The following GTF3C1 variants were observed in gnomAD, a reference collection of about 807,000 sequenced individuals.
The protein encoded by GTF3C1 is general transcription factor IIIC subunit 1, also known as general transcription factor 3C polypeptide 1.
GTF3C1 carries 57 observed loss-of-function variants against 226.7 expected under a neutral mutation model. The observed-to-expected ratio is 0.25, with a 90% CI of 0.20 to 0.31. The LOEUF is 0.31. Ranked by LOEUF, GTF3C1 falls within the 10% of genes least tolerant of loss-of-function variation. GTF3C1 has a pLI of 1.00. For missense variants in GTF3C1, 2,217 were observed against 2,776.1 expected (o/e 0.80, Z 4.53); for synonymous variants, 1,090 against 1,084.8 (o/e 1.00, Z -0.09).
chr16:27,483,904 C>T (rs2088095153), intron 25 of GTF3C1, among the ~76,000 whole-genome samples: 2 of 152,210 alleles, frequency 1.3e-5, no homozygotes, highest in East Asian at 3.8e-4. Context: ...CCTCCACCAC[C>T]AGCTAGGCAC....
At chr16:27,547,393 A>T (rs2089180225) in intron 1 of GTF3C1, among the ~76,000 whole-genome samples, 1 of 152,168 alleles carries the variant, frequency 6.6e-6, no homozygotes, top group Non-Finnish European at 1.5e-5. Context: ...ACCTGAAGCT[A>T]AATGTGTCAC....
At position 27,507,608 on chromosome 16, in the gene GTF3C1, G is replaced by A. The variant is rs951800129; in HGVS notation, c.1243-452C>T. 3.9e-5 allele frequency among the ~76,000 whole-genome samples: 6 copies of A among 152,334 alleles called. No homozygotes were observed. Among genetic ancestry groups the A allele is most frequent in the South Asian group, 4.1e-4 (2 of 4,832 alleles). On this transcript the variant is annotated intron_variant, in intron 8 of 36. Coordinates refer to ENST00000356183, the MANE Select transcript of GTF3C1 (RefSeq NM_001520.4). The surrounding 1 kb of genome is among the most constrained non-coding windows in gnomAD (Gnocchi z 4.9). The stretch of plus-strand genomic sequence containing the variant: ...ATCAGTGATCCACACCCATTTTAAC[G>A]TCTAGAACAGGGCAAGGGGCTCTTC...
At position 27,545,344 on chromosome 16, in the gene GTF3C1, G is replaced by C. The variant is rs1305864601; in HGVS notation, c.401C>G (p.Pro134Arg). The C allele has an allele frequency of 2.4e-5, 38 of 1,613,666 alleles. No homozygotes were observed. The highest frequency in any genetic ancestry group is 3.2e-5 in the Non-Finnish European group (38 of 1,179,664). ...TNDIRTKSLQPRCTMVEAFDR... is the reference protein window; with the variant it reads ...TNDIRTKSLQRRCTMVEAFDR... ...AAAGGCTTCCACCATTGTACAGCGAGGCTGCAAGGACTTGGTTCTGATGTC... is the reference window on the plus strand; with the variant it reads ...AAAGGCTTCCACCATTGTACAGCGACGCTGCAAGGACTTGGTTCTGATGTC... The change falls in exon 2 of 37, where the codon CCT (proline) becomes CGT (arginine). Residue 134 changes from proline to arginine, a missense_variant. Physicochemically the swap from Pro to Arg is moderately radical, Grantham distance 103 (BLOSUM62 -2). This residue lies in a region of GTF3C1 where 192 missense variants were observed against 251.8 expected (regional missense o/e 0.76). Transcript: ENST00000356183.
At chr16:27,516,850 C>G (rs2088666637) in intron 6 of GTF3C1, among the ~76,000 whole-genome samples, 1 of 152,132 alleles carries the variant, frequency 6.6e-6, no homozygotes, top group African/African-American at 2.4e-5. Context: ...CTAGGCTGGT[C>G]TAGAACTTCT....
chr16:27,467,640 T>G (rs892196922), intron 32 of GTF3C1, among the ~76,000 whole-genome samples: 5 of 152,042 alleles, frequency 3.3e-5, no homozygotes, highest in Admixed American at 2.6e-4. Context: ...GAGGCTACGG[T>G]GGGTGGATCA....
At chr16:27,541,714 G>C (rs1596664263) in intron 2 of GTF3C1, among the ~76,000 whole-genome samples, 1 of 152,174 alleles carries the variant, frequency 6.6e-6, no homozygotes, top group Non-Finnish European at 1.5e-5. Context: ...ATTGCCTTGA[G>C]ACAAAAAGGA....
Position 27,482,719 on chromosome 16 carries a change from G to C in GTF3C1, c.4083+325C>G, listed in dbSNP as rs568759974. 76 of 444,022 alleles carry C rather than the reference G, an allele frequency of 1.7e-4. 1 individual carries two copies. Among genetic ancestry groups the C allele is most frequent in the South Asian group, 1.2e-3 (72 of 60,608 alleles). 27.5% of individuals were successfully genotyped at this position (444,022 alleles called of 1,614,324 possible). The stretch of plus-strand genomic sequence containing the variant: ...CCCCTCTGGACAGAAAACTCGGAAA[G>C]AAAACCCACACCCAGTCTGCGAGCT... On this transcript the variant is annotated intron_variant, in intron 26 of 36. Coordinates refer to ENST00000356183, the MANE Select transcript of GTF3C1 (RefSeq NM_001520.4).
intron 16 of GTF3C1, among the ~76,000 whole-genome samples, chr16:27,493,827 ACT>A: frequency 6.6e-6 from 1 of 152,332 alleles, no homozygotes; most frequent in East Asian, 1.9e-4. Flanking sequence ...GAATACTATG[ACT>A]CTACTTAATA....
In GTF3C1 at chr16:27,488,219, C is replaced by A. The variant is rs545224662; in HGVS notation, c.3700+8G>T. The A allele has an allele frequency of 6.2e-7, 1 of 1,612,004 alleles. No homozygotes were observed. The highest frequency in any genetic ancestry group is 8.5e-7 in the Non-Finnish European group (1 of 1,178,598). Reference sequence around the variant, plus strand: ...AGGCCCAGTAAATGAAAATGATCACCACATAACCTTTCTTCTTTCTCTTGA... The same window carrying A: ...AGGCCCAGTAAATGAAAATGATCACAACATAACCTTTCTTCTTTCTCTTGA... On this transcript the variant is annotated splice_region_variant and intron_variant, in intron 23 of 36. Transcript: ENST00000356183.
intron 6 of GTF3C1, among the ~76,000 whole-genome samples, chr16:27,516,866 C>G (rs1413461785): frequency 2.0e-5 from 3 of 152,156 alleles, no homozygotes; most frequent in Non-Finnish European, 4.4e-5. Context: ...CTTCTGGCCT[C>G]AAGTGACATT....
chr16:27,525,185 T>TAAAAGAAAAGAAAAGAAAAG (rs60325418), intron 6 of GTF3C1, among the ~76,000 whole-genome samples: 4,044 of 150,694 alleles, frequency 0.027, 190 homozygotes, highest in African/African-American at 0.093. Flanking sequence ...AAGAAAGAAA[T>TAAAAGAAAAGAAAAGAAAAG]AAAAGAAAAG....
chr16:27,520,490 A>G (rs1185940996), intron 6 of GTF3C1, among the ~76,000 whole-genome samples: 1 of 152,062 alleles, frequency 6.6e-6, no homozygotes, highest in Admixed American at 6.5e-5. Flanking sequence ...ATGGGATAAC[A>G]ATATGGCATC....
chr16:27,528,483 T>A (rs1367252397), intron 6 of GTF3C1, 115 bp downstream of exon 6: 1 of 815,408 alleles, frequency 1.2e-6, no homozygotes, highest in Non-Finnish European at 2.0e-6. Context: ...TAAATAAATA[T>A]GTGAAATCAT....
chr16:27,501,841 G>A (rs911695123), intron 11 of GTF3C1, among the ~76,000 whole-genome samples: 3 of 152,220 alleles, frequency 2.0e-5, no homozygotes, highest in African/African-American at 4.8e-5. Context: ...GGTGGCTCAT[G>A]CCTATAATAC....
In GTF3C1 at chr16:27,528,686, C is replaced by T. The variant is rs367631787; in HGVS notation, c.885G>A (p.Gln295=). The change falls in exon 6 of 37, where the codon CAG becomes CAA. Residue 295 remains glutamine (Q), a synonymous_variant. Transcript: ENST00000356183. ...TGGCTAGCCCGGCGTTCAGCATATACTGGTACAGACGCTTAAACGTCCTTT... is the reference window on the plus strand; with the variant it reads ...TGGCTAGCCCGGCGTTCAGCATATATTGGTACAGACGCTTAAACGTCCTTT... ...LCERTFKRLY[Q]YMLNAGLAKV... 3.8e-5 allele frequency: 62 copies of T among 1,613,258 alleles called. No individual in the cohort carries two copies. Among genetic ancestry groups the T allele is most frequent in the Non-Finnish European group, 4.7e-5 (56 of 1,179,292 alleles).
chr16:27,472,032 C>T, intron 29 of GTF3C1, 112 bp from the exon 30 acceptor site: 4 of 873,420 alleles, frequency 4.6e-6, no homozygotes, highest in East Asian at 2.6e-5. Context: ...AGTGACCGAT[C>T]GTGGGAGGCC....
intron 6 of GTF3C1, among the ~76,000 whole-genome samples, chr16:27,516,466 C>A (rs1405071103): frequency 6.6e-6 from 1 of 152,230 alleles, no homozygotes; most frequent in East Asian, 1.9e-4. Flanking sequence ...GCGGCTCTGC[C>A]TGCCCCACAG....
chr16:27,471,141 C>T lies in GTF3C1; in HGVS notation c.4526+607G>A, dbSNP rs552459031. Among the ~76,000 whole-genome samples, 6 of 152,318 alleles carry T rather than the reference C, an allele frequency of 3.9e-5. No homozygotes were observed. Among genetic ancestry groups the T allele is most frequent in the South Asian group, 4.1e-4 (2 of 4,832 alleles). On this transcript the variant is annotated intron_variant, in intron 30 of 36. Transcript: ENST00000356183. This position sits in a 1 kb window ranked among gnomAD's most constrained non-coding sequence, Gnocchi z 5.0. ...GTCTCTGAGCATCTGACTGCAGCCCCGTGCAGACCTGAGTGCGGGGAAGGA... is the reference window on the plus strand; with the variant it reads ...GTCTCTGAGCATCTGACTGCAGCCCTGTGCAGACCTGAGTGCGGGGAAGGA...
At chr16:27,472,244 C>T (rs1373574185) in intron 29 of GTF3C1, among the ~76,000 whole-genome samples, 1 of 152,200 alleles carries the variant, frequency 6.6e-6, no homozygotes, top group Admixed American at 6.5e-5. Context: ...GGAATCAACA[C>T]AGAATCATCT....
Sources: gnomAD v4.1 joint callset for allele counts (sites outside exome capture counted in the v4.1 genomes callset) on GRCh38, gnomAD v4.1.1 for gene constraint, gnomAD v4.1.1 regional missense constraint, Gnocchi (gnomAD v3.1) non-coding constraint, MANE v1.5 for transcripts, NCBI Gene and HGNC (gene_info 2026-07-23, HGNC 2026-07-21) for gene names.